Variants in UNC13C observed in about 807,000 individuals in gnomAD.
The protein encoded by UNC13C is protein unc-13 homolog C.
UNC13C carries 174 observed loss-of-function variants against 245.4 expected under a neutral mutation model. The observed-to-expected ratio is 0.71, with a 90% CI of 0.63 to 0.80. The LOEUF is 0.80. Ranked by LOEUF, UNC13C falls within the 30% of genes least tolerant of loss-of-function variation. The pLI, the probability that UNC13C is intolerant of heterozygous loss-of-function variation, is 0.00. For missense variants in UNC13C, 2,829 were observed against 2,602.9 expected, an observed-to-expected ratio of 1.09 and a Z score of -1.89; for synonymous variants, 992 against 895.1, an observed-to-expected ratio of 1.11 and a Z score of -1.93.
intron 17 of UNC13C, among the ~76,000 whole-genome samples, chr15:54,339,849 C>A (rs117518358): frequency 0.049 from 7,445 of 151,234 alleles, 278 homozygotes; most frequent in Admixed American, 0.11. Flanking sequence ...ACTCTTAGTT[C>A]TCTAAGAGAT....
chr15:54,243,676 G>C (rs2035919756), intron 7 of UNC13C, among the ~76,000 whole-genome samples: 1 of 152,114 alleles, frequency 6.6e-6, no homozygotes, highest in Non-Finnish European at 1.5e-5. Flanking sequence ...ATTCTGACTG[G>C]CATGAGAAAG....
intron 4 of UNC13C, among the ~76,000 whole-genome samples, chr15:54,206,721 A>T (rs906980879): frequency 1.3e-5 from 2 of 152,244 alleles, no homozygotes; most frequent in African/African-American, 4.8e-5. Context: ...CATTGTGAAA[A>T]TGGGAGCCTC....
rs546818742 is a variant in UNC13C, at chr15:54,132,716, A to T, written c.2984-10302A>T. On this transcript the variant is annotated intron_variant, in intron 2 of 32. Coordinates refer to ENST00000260323, the MANE Select transcript of UNC13C (RefSeq NM_001080534.3). The stretch of plus-strand genomic sequence containing the variant: ...TTTTGGCTCCCATGTGATGACTTTC[A>T]GGCATACTACACATGTATCAAAGTC... Among the ~76,000 whole-genome samples, 3 of 152,328 alleles carry T rather than the reference A, an allele frequency of 2.0e-5. No homozygotes were observed. The East Asian group carries it at 5.8e-4, about 29-fold the overall frequency.
chr15:54,622,450 G>C (rs989279377), intron 31 of UNC13C, 31 bp downstream of exon 31: 3 of 1,522,962 alleles, frequency 2.0e-6, no homozygotes, highest in Non-Finnish European at 2.7e-6. Context: ...AATCAAAACA[G>C]CCTTCTAAAC....
At chr15:54,587,730 G>T (rs376388319) in intron 30 of UNC13C, among the ~76,000 whole-genome samples, 2 of 152,064 alleles carry the variant, frequency 1.3e-5, no homozygotes, top group East Asian at 3.9e-4. Context: ...ACCTCCCCAT[G>T]CCCAGCCAAC....
At chr15:54,191,885 C>T (rs922841809) in intron 4 of UNC13C, among the ~76,000 whole-genome samples, 2 of 152,038 alleles carry the variant, frequency 1.3e-5, no homozygotes, top group African/African-American at 4.8e-5. Context: ...CCTTCACCCT[C>T]TTTTTGTTGG....
intron 4 of UNC13C, among the ~76,000 whole-genome samples, chr15:54,229,126 G>A (rs565111224): frequency 1.3e-5 from 2 of 152,308 alleles, no homozygotes; most frequent in South Asian, 4.1e-4. Context: ...TGACAGGACA[G>A]CATTGAGTTC....
At chr15:54,245,460 T>C (rs1006368270) in intron 7 of UNC13C, among the ~76,000 whole-genome samples, 1 of 152,114 alleles carries the variant, frequency 6.6e-6, no homozygotes, top group Non-Finnish European at 1.5e-5. Context: ...CATTCTCACA[T>C]AGATAGGATA....
chr15:54,448,669 T>C (rs1890974039), intron 19 of UNC13C, among the ~76,000 whole-genome samples: 1 of 152,228 alleles, frequency 6.6e-6, no homozygotes. Context: ...TATGTGTGTC[T>C]CTGCACGTGT....
intron 30 of UNC13C, among the ~76,000 whole-genome samples, chr15:54,592,845 CTGTGTACTT>C (rs1453140115): frequency 1.4e-5 from 2 of 145,634 alleles, no homozygotes; most frequent in Non-Finnish European, 3.0e-5. Context: ...TCGTTGTTGC[CTGTGTACTT>C]TGTTTTTTGT....
intron 17 of UNC13C, among the ~76,000 whole-genome samples, chr15:54,354,715 A>G (rs2039055379): frequency 6.6e-6 from 1 of 152,202 alleles, no homozygotes; most frequent in African/African-American, 2.4e-5. Context: ...CAACTCAAGG[A>G]ATATCTCAAC....
chr15:54,006,594 C>A (rs957055264), intron 1 of UNC13C, among the ~76,000 whole-genome samples: 1 of 152,198 alleles, frequency 6.6e-6, no homozygotes, highest in Non-Finnish European at 1.5e-5. Flanking sequence ...ACATTATATA[C>A]ACATCCTTTT....
At chr15:54,255,926 A>C (rs1365559958) in intron 8 of UNC13C, among the ~76,000 whole-genome samples, 1 of 152,218 alleles carries the variant, frequency 6.6e-6, no homozygotes, top group Non-Finnish European at 1.5e-5. Flanking sequence ...CTAATAATGG[A>C]GCATTTTCAG....
chr15:54,143,542 T>C, intron 3 of UNC13C, 78 bp from the exon 4 acceptor site: 2 of 1,154,908 alleles, frequency 1.7e-6, no homozygotes, highest in Middle Eastern at 2.0e-4. Flanking sequence ...AGCTGACCTG[T>C]GTCCCGATTT....
intron 2 of UNC13C, among the ~76,000 whole-genome samples, chr15:54,042,854 G>GA (rs1377945844): frequency 4.9e-4 from 74 of 150,640 alleles, no homozygotes; most frequent in African/African-American, 1.4e-3. Flanking sequence ...CTCTGTCTCA[G>GA]AAAAGAAAAA....
In UNC13C at chr15:54,627,422, T is replaced by G. The variant is rs1901254746; in HGVS notation, c.*309T>G. 1 of 205,176 alleles carries G rather than the reference T, an allele frequency of 4.9e-6. No individual in the cohort carries two copies. Among genetic ancestry groups the G allele is most frequent in the Non-Finnish European group, 9.9e-6 (1 of 101,044 alleles). The allele number at this position is 205,176 out of a possible 1,614,324, so 12.7% of individuals were successfully genotyped here. On this transcript the variant is annotated 3_prime_UTR_variant, in exon 33 of 33. Coordinates refer to ENST00000260323, the MANE Select transcript of UNC13C (RefSeq NM_001080534.3). ...TTTTTAAAAACTAGTCTTTTGAGTT[T>G]GCCCATCAGTTGTCTTTGTTAAATG...
At chr15:53,856,619 A>G in the UNC13C span, among the ~76,000 whole-genome samples, 1 of 152,078 alleles carries the variant, frequency 6.6e-6, no homozygotes, top group Non-Finnish European at 1.5e-5. Flanking sequence ...AAATTTCTTA[A>G]TCTTGAGTTC....
chr15:54,519,072 A>G (rs1004482018), intron 24 of UNC13C, among the ~76,000 whole-genome samples: 3 of 152,212 alleles, frequency 2.0e-5, no homozygotes, highest in Admixed American at 2.0e-4. Context: ...CTCCAAAAGC[A>G]TAACACATTA....
At chr15:54,174,835 G>T (rs978034382) in intron 4 of UNC13C, among the ~76,000 whole-genome samples, 1 of 152,136 alleles carries the variant, frequency 6.6e-6, no homozygotes, top group Non-Finnish European at 1.5e-5. Context: ...ATTAAAGCAG[G>T]TAAGAATGGA....
Sources: gnomAD v4.1 joint callset for allele counts (sites outside exome capture counted in the v4.1 genomes callset) on GRCh38, gnomAD v4.1.1 for gene constraint, MANE v1.5 for transcripts, NCBI Gene and HGNC (gene_info 2026-07-23, HGNC 2026-07-21) for gene names.